Variants in SEMA3D observed in about 807,000 individuals in gnomAD.
SEMA3D encodes semaphorin 3D.
Under a neutral mutation model 100.1 loss-of-function variants are expected in SEMA3D, and 84 were observed. That is an observed-to-expected ratio of 0.84 (90% CI 0.70 to 1.01). SEMA3D has a LOEUF of 1.01. Ranked by LOEUF, SEMA3D falls within the 50% of genes least tolerant of loss-of-function variation. The pLI is 0.00. For synonymous variants in SEMA3D, 312 were observed against 320.7 expected, an observed-to-expected ratio of 0.97 and a Z score of 0.29; for missense variants, 875 against 934.1, an observed-to-expected ratio of 0.94 and a Z score of 0.82.
At chr7:85,180,868 T>C (rs1253511871) in intron 1 of SEMA3D, among the ~76,000 whole-genome samples, 1 of 152,166 alleles carries the variant, frequency 6.6e-6, no homozygotes, top group Non-Finnish European at 1.5e-5. Context: ...TTTGAGGCTT[T>C]TGTTTGTTTG....
chr7:85,182,279 A>G (rs1473457508), intron 1 of SEMA3D, among the ~76,000 whole-genome samples: 1 of 152,144 alleles, frequency 6.6e-6, no homozygotes, highest in African/African-American at 2.4e-5. Flanking sequence ...ATGCATTATC[A>G]TAAAACTCCC....
rs561435952 is a variant in SEMA3D at position 84,998,451 on chromosome 7, T to A, written c.*989A>T. On this transcript the variant is annotated 3_prime_UTR_variant, in exon 19 of 19. Coordinates refer to ENST00000284136, the MANE Select transcript of SEMA3D (RefSeq NM_001384900.1). ...AGTTTGTTATAATCTAGATTTTTTT[T>A]AACAGATGAATTACAAATTGGCAGC... 7 of 152,246 alleles carry A rather than the reference T, an allele frequency of 4.6e-5. No individual in the cohort carries two copies. The South Asian group carries it at 1.5e-3, about 32-fold the overall frequency. 9.4% of individuals were successfully genotyped at this position (152,246 alleles called of 1,614,324 possible).
At chr7:85,178,381 A>G (rs1791299387) in intron 1 of SEMA3D, among the ~76,000 whole-genome samples, 1 of 152,178 alleles carries the variant, frequency 6.6e-6, no homozygotes, top group Non-Finnish European at 1.5e-5. Flanking sequence ...AGACTTGTTG[A>G]ATGGTTTTGA....
intron 5 of SEMA3D, among the ~76,000 whole-genome samples, chr7:85,077,737 C>A (rs1787917567): frequency 6.6e-6 from 1 of 151,966 alleles, no homozygotes; most frequent in Non-Finnish European, 1.5e-5. Context: ...GGTAAATACA[C>A]CCTCCCTTGA....
rs147263597 is a variant in SEMA3D at position 85,146,916 on chromosome 7, A to G, written c.-41+6692T>C. On this transcript the variant is annotated intron_variant, in intron 2 of 18. Coordinates refer to ENST00000284136, the MANE Select transcript of SEMA3D (RefSeq NM_001384900.1). Reference sequence around the variant, plus strand: ...TAGCTTCAGGAATAGAAAGTCTAAAAGAAAGAATGTTGGTACAGCAATTAG... The same window carrying G: ...TAGCTTCAGGAATAGAAAGTCTAAAGGAAAGAATGTTGGTACAGCAATTAG... Among the ~76,000 whole-genome samples the G allele has an allele frequency of 1.2e-3, 175 of 152,106 alleles. 1 individual carries two copies. The highest frequency in any genetic ancestry group is 4.0e-3 in the African/African-American group (164 of 41,500).
chr7:85,063,747 CT>C (rs1791538699), intron 8 of SEMA3D, among the ~76,000 whole-genome samples: 1 of 152,028 alleles, frequency 6.6e-6, no homozygotes, highest in African/African-American at 2.4e-5. Context: ...TGTAAGTTAC[CT>C]TTAGAAAAAC....
chr7:85,002,036 G>T (rs1269136961), intron 18 of SEMA3D, among the ~76,000 whole-genome samples: 1 of 152,032 alleles, frequency 6.6e-6, no homozygotes, highest in African/African-American at 2.4e-5. Context: ...ATTATGACTT[G>T]ATCTCACCCA....
intron 3 of SEMA3D, among the ~76,000 whole-genome samples, chr7:85,104,554 G>A (rs916634150): frequency 1.3e-5 from 2 of 151,912 alleles, no homozygotes; most frequent in Admixed American, 1.3e-4. Flanking sequence ...TCAGCCTGGG[G>A]AAACATTTGA....
chr7:85,149,171 G>C (rs2372672), intron 2 of SEMA3D, among the ~76,000 whole-genome samples: 3 of 151,840 alleles, frequency 2.0e-5, no homozygotes, highest in Middle Eastern at 3.4e-3. Flanking sequence ...TTGGCCAGGC[G>C]TGGTGGCTCA....
chr7:85,069,787 C>G (rs1050882942), intron 6 of SEMA3D, among the ~76,000 whole-genome samples: 2 of 152,194 alleles, frequency 1.3e-5, no homozygotes, highest in African/African-American at 4.8e-5. Context: ...CGATCTGCAG[C>G]AGCACAGGGG....
intron 12 of SEMA3D, among the ~76,000 whole-genome samples, chr7:85,034,612 C>CA (rs1350859028): frequency 3.3e-5 from 5 of 151,762 alleles, no homozygotes; most frequent in African/African-American, 1.2e-4. Flanking sequence ...GACAAAAAAA[C>CA]AAAAAACAAA....
At chr7:85,168,566 A>T (rs1037670491) in intron 1 of SEMA3D, among the ~76,000 whole-genome samples, 1 of 151,138 alleles carries the variant, frequency 6.6e-6, no homozygotes, top group East Asian at 1.9e-4. Flanking sequence ...GCCTATGAGC[A>T]CACTACAACT....
chr7:85,185,692 C>A (rs140390491), intron 1 of SEMA3D, among the ~76,000 whole-genome samples: 2 of 152,190 alleles, frequency 1.3e-5, no homozygotes, highest in East Asian at 3.9e-4. Context: ...CTGTCAACTT[C>A]CCTCCTTGCA....
the SEMA3D span, among the ~76,000 whole-genome samples, chr7:85,229,211 C>T: frequency 6.6e-6 from 1 of 151,852 alleles, no homozygotes; most frequent in Non-Finnish European, 1.5e-5. Flanking sequence ...AATTGTAAGC[C>T]TTCAGAAGAT....
At chr7:85,085,661 C>A (rs970548714) in intron 4 of SEMA3D, among the ~76,000 whole-genome samples, 1 of 152,154 alleles carries the variant, frequency 6.6e-6, no homozygotes, top group African/African-American at 2.4e-5. Context: ...ATGAAATCAC[C>A]GTGCCCAGGG....
At chr7:85,222,543 A>G in the SEMA3D span, among the ~76,000 whole-genome samples, 4 of 152,054 alleles carry the variant, frequency 2.6e-5, no homozygotes, top group Admixed American at 6.6e-5. Context: ...GAGTATATTC[A>G]CTGTTCTAAA....
At chr7:85,156,829 A>T (rs542447111) in intron 1 of SEMA3D, among the ~76,000 whole-genome samples, 25 of 152,314 alleles carry the variant, frequency 1.6e-4, no homozygotes, top group African/African-American at 5.5e-4. Flanking sequence ...GTAAGAAGAA[A>T]ATAGTTATAT....
chr7:85,172,004 A>G (rs538463902), intron 1 of SEMA3D, among the ~76,000 whole-genome samples: 1 of 151,668 alleles, frequency 6.6e-6, no homozygotes, highest in East Asian at 1.9e-4. Context: ...TAATATATAT[A>G]GAGAGAGACA....
At chr7:85,109,513 C>T (rs185189429) in intron 3 of SEMA3D, among the ~76,000 whole-genome samples, 61 of 152,048 alleles carry the variant, frequency 4.0e-4, no homozygotes, top group African/African-American at 1.3e-3. Context: ...GTTTCTGGCT[C>T]ACTGTGGCTT....
Sources: gnomAD v4.1 joint callset for allele counts (sites outside exome capture counted in the v4.1 genomes callset) on GRCh38, gnomAD v4.1.1 for gene constraint, MANE v1.5 for transcripts, NCBI Gene and HGNC (gene_info 2026-07-23, HGNC 2026-07-21) for gene names.